TEKT5: variants seen among roughly 807,000 people sequenced by gnomAD.
TEKT5 encodes tektin 5.
Under a neutral mutation model 48.7 loss-of-function variants are expected in TEKT5, and 52 were observed. That is an observed-to-expected ratio of 1.07 (90% CI 0.86 to 1.35). The LOEUF (loss-of-function observed/expected upper bound fraction) is 1.35. Among genes scored for constraint, TEKT5 ranks in the 40% most tolerant of loss-of-function variants. TEKT5 has a pLI of 0.00. For synonymous variants in TEKT5, 318 were observed against 267.6 expected (o/e 1.19, Z -1.84); for missense variants, 831 against 641.6 (o/e 1.30, Z -3.19).
rs4238602 is a variant in TEKT5, at chr16:10,691,845, C to G, written c.565-1820G>C. On this transcript the variant is annotated intron_variant, in intron 1 of 6. Transcript: ENST00000283025. Reference sequence around the variant, plus strand: ...CGCCTGTAGTCCCAGCTACTCGGGACGCTGAGGCAGGAGAATGGCGTGGAC... The same window carrying G: ...CGCCTGTAGTCCCAGCTACTCGGGAGGCTGAGGCAGGAGAATGGCGTGGAC... Among the ~76,000 whole-genome samples, 62 of 150,974 alleles carry G rather than the reference C, an allele frequency of 4.1e-4. 3 individuals carry two copies. The highest frequency in any genetic ancestry group is 1.5e-5 in the Non-Finnish European group (1 of 67,754).
At chr16:10,638,553 A>G (rs916601475) in intron 5 of TEKT5, among the ~76,000 whole-genome samples, 1 of 152,124 alleles carries the variant, frequency 6.6e-6, no homozygotes, top group Admixed American at 6.5e-5. Flanking sequence ...TGCCAGTGCA[A>G]CTCATGATCA....
intron 5 of TEKT5, among the ~76,000 whole-genome samples, chr16:10,667,446 G>A (rs1016614713): frequency 2.0e-5 from 3 of 152,160 alleles, no homozygotes; most frequent in East Asian, 1.9e-4. Context: ...AACAAACAAT[G>A]AGCAGTAACC....
At chr16:10,631,368 T>C (rs1422777864) in intron 6 of TEKT5, among the ~76,000 whole-genome samples, 1 of 117,004 alleles carries the variant, frequency 8.5e-6, no homozygotes, top group East Asian at 2.8e-4. Context: ...CGGGGGAGGG[T>C]TGAAACAGGG....
At chr16:10,677,732 T>A (rs2430647) in intron 4 of TEKT5, among the ~76,000 whole-genome samples, 56,055 of 122,066 alleles carry the variant, frequency 0.46, 15,477 homozygotes, top group East Asian at 0.82. Flanking sequence ...GGTTGACCAG[T>A]GTGTCTGGGA....
At chr16:10,649,704 G>A (rs764506809) in intron 5 of TEKT5, among the ~76,000 whole-genome samples, 3 of 152,180 alleles carry the variant, frequency 2.0e-5, no homozygotes, top group Non-Finnish European at 4.4e-5. Flanking sequence ...CTAAAGTGCC[G>A]GGATTACAAG....
intron 5 of TEKT5, among the ~76,000 whole-genome samples, chr16:10,639,236 G>A (rs1897957322): frequency 6.6e-6 from 1 of 152,172 alleles, no homozygotes; most frequent in Non-Finnish European, 1.5e-5. Context: ...GAGCCCAGGA[G>A]TTCAAGGTTG....
At position 10,682,069 on chromosome 16, in the gene TEKT5, C is replaced by G. The variant is rs544288612; in HGVS notation, c.787G>C (p.Asp263His). Residue 263 changes from aspartate (D) to histidine (H), a missense_variant, in exon 4 of 7, where the codon GAT becomes CAT. Physicochemically the swap from Asp to His is moderately conservative, Grantham distance 81. Transcript: ENST00000283025. Reference sequence around the variant, plus strand: ...TTTCTCAGGTTAAAGCACTTCTCATCGATACACTGGGCCGAGCTTTTGTCT... The same window carrying G: ...TTTCTCAGGTTAAAGCACTTCTCATGGATACACTGGGCCGAGCTTTTGTCT... ...LEDKSSAQCIDEKCFNLRNTS... is the reference protein window; with the variant it reads ...LEDKSSAQCIHEKCFNLRNTS... The G allele has an allele frequency of 2.7e-5, 44 of 1,614,052 alleles. No homozygotes were observed. The Admixed American group carries it at 2.8e-4, about 10-fold the overall frequency.
intron 5 of TEKT5, among the ~76,000 whole-genome samples, chr16:10,654,586 C>T (rs1367945701): frequency 2.0e-5 from 3 of 152,144 alleles, no homozygotes; most frequent in East Asian, 1.9e-4. Flanking sequence ...AGGGTGAATT[C>T]GCTCTCTCTG....
intron 3 of TEKT5, among the ~76,000 whole-genome samples, chr16:10,683,740 G>A (rs1898801340): frequency 6.6e-6 from 1 of 152,054 alleles, no homozygotes; most frequent in Non-Finnish European, 1.5e-5. Flanking sequence ...ACAGGCACCC[G>A]CCACCACTCC....
chr16:10,638,591 C>T (rs62025770), intron 5 of TEKT5, among the ~76,000 whole-genome samples: 2 of 152,006 alleles, frequency 1.3e-5, no homozygotes, highest in Non-Finnish European at 2.9e-5. Context: ...TTTGCCCAGA[C>T]ACTCCATACC....
At chr16:10,667,529 C>T (rs1363243366) in intron 5 of TEKT5, among the ~76,000 whole-genome samples, 1 of 152,188 alleles carries the variant, frequency 6.6e-6, no homozygotes, top group Admixed American at 6.5e-5. Context: ...AAATATCATC[C>T]GACCACGTGG....
chr16:10,669,890 G>A (rs550166029), intron 5 of TEKT5, among the ~76,000 whole-genome samples: 15 of 152,314 alleles, frequency 9.8e-5, no homozygotes, highest in South Asian at 4.1e-4. Context: ...TTAGTCCAGA[G>A]AAGTCACCAG....
rs376307740 is a variant in TEKT5, at chr16:10,678,111, C to G, written c.864-1930G>C. On this transcript the variant is annotated intron_variant, in intron 4 of 6. Coordinates refer to ENST00000283025, the MANE Select transcript of TEKT5 (RefSeq NM_144674.2). ...AGGCTTTGAGGAAGGGCATGCATTT[C>G]TTTGACCTGGCTTCAGGTCCTGGGT... Among the ~76,000 whole-genome samples the G allele has an allele frequency of 2.8e-4, 42 of 152,290 alleles. 1 individual carries two copies. In the East Asian group the frequency reaches 7.9e-3, roughly 29 times the overall value.
At position 10,689,248 on chromosome 16, in the gene TEKT5, C is replaced by T. The variant is rs1268438306; in HGVS notation, c.719+5G>A. 2.5e-6 allele frequency: 4 copies of T among 1,598,258 alleles called. No homozygotes were observed. The African/African-American group carries it at 4.1e-5, about 16-fold the overall frequency. The stretch of plus-strand genomic sequence containing the variant: ...GAGGGAATTAAAAAAAAAAAAAGCC[C>T]TTACCGCATCTGGATATCAATTCTT... On this transcript the variant is annotated splice_donor_5th_base_variant and intron_variant, in intron 3 of 6. Coordinates refer to ENST00000283025, the MANE Select transcript of TEKT5 (RefSeq NM_144674.2).
intron 5 of TEKT5, among the ~76,000 whole-genome samples, chr16:10,643,532 G>A (rs1183728209): frequency 1.3e-5 from 2 of 152,114 alleles, no homozygotes; most frequent in African/African-American, 4.8e-5. Flanking sequence ...TGAGGCCGAG[G>A]GCCACATATG....
At chr16:10,641,298 G>C (rs537955205) in intron 5 of TEKT5, among the ~76,000 whole-genome samples, 1 of 152,268 alleles carries the variant, frequency 6.6e-6, no homozygotes, top group East Asian at 1.9e-4. Flanking sequence ...TGGGGCCTGA[G>C]GGGTGAGCAT....
At chr16:10,642,317 T>A (rs1042360022) in intron 5 of TEKT5, among the ~76,000 whole-genome samples, 1 of 152,120 alleles carries the variant, frequency 6.6e-6, no homozygotes, top group African/African-American at 2.4e-5. Context: ...TACTGGGCAT[T>A]CACTGTCCAC....
chr16:10,684,242 G>C (rs898001502), intron 3 of TEKT5, among the ~76,000 whole-genome samples: 1 of 152,114 alleles, frequency 6.6e-6, no homozygotes, highest in African/African-American at 2.4e-5. Context: ...CAGCTAAACC[G>C]AGTGTATCTG....
intron 5 of TEKT5, among the ~76,000 whole-genome samples, chr16:10,659,209 G>T (rs933373101): frequency 1.3e-5 from 2 of 152,178 alleles, no homozygotes; most frequent in Non-Finnish European, 2.9e-5. Flanking sequence ...GGTCACACAT[G>T]TGCGCACACA....
Sources: allele counts gnomAD v4.1 joint callset (sites outside exome capture counted in the v4.1 genomes callset), GRCh38; gene constraint gnomAD v4.1.1; transcripts MANE v1.5; gene names NCBI Gene and HGNC (gene_info 2026-07-23, HGNC 2026-07-21).